The following SLC18A1 variants were observed in gnomAD, a reference collection of about 807,000 sequenced individuals.
SLC18A1 encodes the protein chromaffin granule amine transporter.
Under a neutral mutation model 53.7 loss-of-function variants are expected in SLC18A1, and 69 were observed. The ratio of observed to expected loss-of-function variants is 1.28; its 90% CI spans 1.06 to 1.57. SLC18A1 has a LOEUF of 1.57. Among genes scored for constraint, SLC18A1 ranks in the 40% most tolerant of loss-of-function variants. SLC18A1 has a pLI of 0.00. For synonymous variants in SLC18A1, 320 were observed against 248.1 expected, an observed-to-expected ratio of 1.29 and a Z score of -2.72; for missense variants, 932 against 668.1, an observed-to-expected ratio of 1.40 and a Z score of -4.35.
intron 1 of SLC18A1, among the ~76,000 whole-genome samples, chr8:20,182,431 T>C (rs2072452410): frequency 1.3e-5 from 2 of 152,248 alleles, no homozygotes; most frequent in Non-Finnish European, 1.5e-5. Flanking sequence ...TTTTCAACTT[T>C]ATCTCAATTG....
intron 14 of SLC18A1, 53 bp downstream of exon 14, chr8:20,147,550 A>T (rs1290204415): frequency 6.2e-7 from 1 of 1,607,282 alleles, no homozygotes; most frequent in Non-Finnish European, 8.5e-7. Context: ...CTGCACTTCC[A>T]GCTGGTAAAG....
At chr8:20,165,506 C>T (rs999010556) in intron 8 of SLC18A1, among the ~76,000 whole-genome samples, 2 of 152,158 alleles carry the variant, frequency 1.3e-5, no homozygotes, top group East Asian at 3.9e-4. Flanking sequence ...ACAGGCAGAG[C>T]ACCGAATCCC....
At chr8:20,150,528 C>A in intron 11 of SLC18A1, 138 bp downstream of exon 11, 1 of 765,298 alleles carries the variant, frequency 1.3e-6, no homozygotes, top group Non-Finnish European at 2.3e-6. Context: ...GCCCATCCTC[C>A]CAGTGGGAAG....
intron 10 of SLC18A1, among the ~76,000 whole-genome samples, chr8:20,160,069 T>G (rs2071784256): frequency 6.6e-6 from 1 of 152,022 alleles, no homozygotes; most frequent in Non-Finnish European, 1.5e-5. Flanking sequence ...AAATTAAAAG[T>G]CAACAATCAA....
chr8:20,181,119 G>A (rs2072418982), intron 1 of SLC18A1, 32 bp from the exon 2 acceptor site: 1 of 712,266 alleles, frequency 1.4e-6, no homozygotes, highest in Non-Finnish European at 2.2e-6. Flanking sequence ...AGGGTTGCAA[G>A]TAGTAGGATG....
In SLC18A1 at chr8:20,171,115, T is replaced by C; in HGVS notation, c.846A>G (p.Lys282=). 1 of 1,614,188 alleles carries C rather than the reference T, an allele frequency of 6.2e-7. No individual in the cohort carries two copies. The highest frequency in any genetic ancestry group is 1.1e-5 in the South Asian group (1 of 91,078). The change falls in exon 8 of 16, where the codon AAA becomes AAG. Residue 282 remains lysine (K), a synonymous_variant. Coordinates refer to ENST00000276373, the MANE Select transcript of SLC18A1 (RefSeq NM_003053.4). ...ALQLCILQPS[K]VSPESAKGTP... The stretch of plus-strand genomic sequence containing the variant: ...TGTGTCTGCTTACCTCAGGAGAGAC[T>C]TTGGAAGGCTGTAGGATGCAAAGCT...
intron 10 of SLC18A1, among the ~76,000 whole-genome samples, chr8:20,155,325 C>A (rs543372140): frequency 6.6e-6 from 1 of 152,202 alleles, no homozygotes; most frequent in Admixed American, 6.5e-5. Context: ...ATACCGAGCA[C>A]CTGTCAGCCA....
At position 20,147,129 on chromosome 8, in the gene SLC18A1, A is replaced by G; in HGVS notation, c.1464+129T>C. On this transcript the variant is annotated intron_variant, in intron 15 of 15. Transcript: ENST00000276373. Reference sequence around the variant, plus strand: ...TGAAGATGAAAGGGGATTGGGAAACATGGCAAAGCAGAGAGAGTATCAACA... The same window carrying G: ...TGAAGATGAAAGGGGATTGGGAAACGTGGCAAAGCAGAGAGAGTATCAACA... 7 of 988,698 alleles carry G rather than the reference A, an allele frequency of 7.1e-6. No homozygotes were observed. In the South Asian group the frequency reaches 1.4e-4, roughly 20 times the overall value. 61.2% of individuals were successfully genotyped at this position (988,698 alleles called of 1,614,324 possible). A position where few individuals can be genotyped will look rare whatever the true frequency, so the allele number is the denominator to read the frequency against.
intron 13 of SLC18A1, 36 bp downstream of exon 13, chr8:20,147,971 C>T (rs772636881): frequency 1.2e-6 from 2 of 1,607,458 alleles, no homozygotes; most frequent in Non-Finnish European, 1.7e-6. Context: ...AGCCAACATG[C>T]AGGGGCTTAT....
At chr8:20,153,035 G>C (rs979721803) in intron 10 of SLC18A1, among the ~76,000 whole-genome samples, 1 of 152,184 alleles carries the variant, frequency 6.6e-6, no homozygotes, top group Admixed American at 6.5e-5. Context: ...CAACCACTGA[G>C]AATGATGATG....
At chr8:20,148,724 C>T (rs2071470296) in intron 12 of SLC18A1, among the ~76,000 whole-genome samples, 1 of 152,118 alleles carries the variant, frequency 6.6e-6, no homozygotes, top group Non-Finnish European at 1.5e-5. Context: ...AACCTGCTAC[C>T]CCAGGACACT....
At chr8:20,181,312 A>C (rs931856930) in intron 1 of SLC18A1, among the ~76,000 whole-genome samples, 2 of 152,198 alleles carry the variant, frequency 1.3e-5, no homozygotes, top group African/African-American at 2.4e-5. Context: ...ATAAAAATAG[A>C]TGCTCTACAG....
intron 4 of SLC18A1, chr8:20,175,926 C>T (rs996526567): frequency 6.6e-6 from 1 of 152,192 alleles, no homozygotes; most frequent in Non-Finnish European, 1.5e-5. Flanking sequence ...TCTGTCTACT[C>T]TCCCAATGTC....
At chr8:20,158,729 G>T (rs1201096809) in intron 10 of SLC18A1, among the ~76,000 whole-genome samples, 1 of 152,104 alleles carries the variant, frequency 6.6e-6, no homozygotes, top group African/African-American at 2.4e-5. Flanking sequence ...TTATCAGTGA[G>T]GCTATTGTCC....
chr8:20,145,384 C>T lies in SLC18A1; in HGVS notation c.*379G>A, dbSNP rs564783725. On this transcript the variant is annotated 3_prime_UTR_variant, in exon 16 of 16. Coordinates refer to ENST00000276373, the MANE Select transcript of SLC18A1 (RefSeq NM_003053.4). ...CTGTTGGGACTATGCCAGAGAAAAT[C>T]AGGCAACAGATTAAAGAGGCTTGTC... 1 of 159,968 alleles carries T rather than the reference C, an allele frequency of 6.3e-6. No individual in the cohort carries two copies. The highest frequency in any genetic ancestry group is 1.4e-5 in the Non-Finnish European group (1 of 73,376). The allele number at this position is 159,968 out of a possible 1,614,324, so 9.9% of individuals were successfully genotyped here. A position where few individuals can be genotyped will look rare whatever the true frequency, so the allele number is the denominator to read the frequency against.
At position 20,179,185 on chromosome 8, in the gene SLC18A1, G is replaced by C; in HGVS notation, c.424C>G (p.Leu142Val). 6.2e-7 allele frequency: 1 copy of C among 1,614,174 alleles called. No homozygotes were observed. Among genetic ancestry groups the C allele is most frequent in the Non-Finnish European group, 8.5e-7 (1 of 1,180,028 alleles). ...LEEEITRVGV[L>V]FASKAVMQLL... Reference sequence around the variant, plus strand: ...TGCATCACAGCCTTTGAAGCAAACAGAACCCCGACCCGGGTAATCTCTTCC... The same window carrying C: ...TGCATCACAGCCTTTGAAGCAAACACAACCCCGACCCGGGTAATCTCTTCC... Residue 142 changes from leucine (L) to valine (V), a missense_variant, in exon 3 of 16, where the codon CTG becomes GTG. By Grantham distance (32) the Leu-to-Val change is conservative (BLOSUM62 1). Transcript: ENST00000276373.
At chr8:20,169,606 C>T (rs112308666) in intron 8 of SLC18A1, among the ~76,000 whole-genome samples, 9 of 152,182 alleles carry the variant, frequency 5.9e-5, no homozygotes, top group African/African-American at 1.7e-4. Context: ...GGGCTGGGTG[C>T]GGTGGCTCAT....
rs769230249 is a variant in SLC18A1 at position 20,145,788 on chromosome 8, T to C, written c.1553A>G (p.Asp518Gly). 6.2e-6 allele frequency: 10 copies of C among 1,611,398 alleles called. No homozygotes were observed. In the East Asian group the frequency reaches 2.0e-4, roughly 32 times the overall value. Residue 518 changes from aspartate to glycine, a missense_variant, in exon 16 of 16, where the codon GAT becomes GGT. By Grantham distance (94) the Asp-to-Gly change is moderately conservative. Transcript: ENST00000276373. ...TKEFPLGEDSDEEPDHEE is the reference protein window; with the variant it reads ...TKEFPLGEDSGEEPDHEE ...CTACTCCTCATGGTCAGGCTCCTCATCACTGTCCTCCCCCAGAGGAAATTC... is the reference window on the plus strand; with the variant it reads ...CTACTCCTCATGGTCAGGCTCCTCACCACTGTCCTCCCCCAGAGGAAATTC...
intron 10 of SLC18A1, among the ~76,000 whole-genome samples, chr8:20,158,904 C>T (rs2071747021): frequency 6.6e-6 from 1 of 152,112 alleles, no homozygotes; most frequent in African/African-American, 2.4e-5. Flanking sequence ...CCCATACTTG[C>T]CTGGTAAGCC....
Sources: allele counts gnomAD v4.1 joint callset (sites outside exome capture counted in the v4.1 genomes callset), GRCh38; gene constraint gnomAD v4.1.1; transcripts MANE v1.5; gene names NCBI Gene and HGNC (gene_info 2026-07-23, HGNC 2026-07-21).